Variants in LLGL2 observed in about 807,000 individuals in gnomAD.
LLGL2 encodes the protein LLGL scribble cell polarity complex component 2, also known as LLGL2, scribble cell polarity complex component.
LLGL2 carries 81 observed loss-of-function variants against 123.2 expected under a neutral mutation model. That is an observed-to-expected ratio of 0.66 (90% CI 0.55 to 0.79). The LOEUF (loss-of-function observed/expected upper bound fraction) is 0.79. Among genes scored for constraint, LLGL2 ranks in the 30% least tolerant of loss-of-function variants. LLGL2 has a pLI of 0.00. For synonymous variants in LLGL2, 577 were observed against 594.1 expected (o/e 0.97, Z 0.42); for missense variants, 1,273 against 1,414.6 (o/e 0.90, Z 1.61).
chr17:75,567,406 G>A (rs1013192619), intron 10 of LLGL2, among the ~76,000 whole-genome samples: 12 of 152,116 alleles, frequency 7.9e-5, no homozygotes, highest in African/African-American at 2.2e-4. Context: ...AGAGGTTGCA[G>A]TGAGCCGAGA....
At position 75,559,533 on chromosome 17, in the gene LLGL2, C is replaced by G; in HGVS notation, c.530+123C>G. On this transcript the variant is annotated intron_variant, in intron 6 of 25. Coordinates refer to ENST00000392550, the MANE Select transcript of LLGL2 (RefSeq NM_001031803.2). This position sits in a 1 kb window ranked among gnomAD's most constrained non-coding sequence, Gnocchi z 4.6. The stretch of plus-strand genomic sequence containing the variant: ...TGCTGGGAATTCCATGGGGCTATAG[C>G]AGGGGAGGCTCTTGGCTTCCTACCT... 1.6e-6 allele frequency: 2 copies of G among 1,264,410 alleles called. No individual in the cohort carries two copies. Among genetic ancestry groups the G allele is most frequent in the Admixed American group, 5.3e-5 (2 of 37,876 alleles). The allele number at this position is 1,264,410 out of a possible 1,614,324, so 78.3% of individuals were successfully genotyped here. A position where few individuals can be genotyped will look rare whatever the true frequency, so the allele number is the denominator to read the frequency against.
At position 75,563,395 on chromosome 17, in the gene LLGL2, G is replaced by C. The variant is rs770460425; in HGVS notation, c.758G>C (p.Ser253Thr). 6 of 1,612,920 alleles carry C rather than the reference G, an allele frequency of 3.7e-6. No individual in the cohort carries two copies. In the South Asian group the frequency reaches 6.6e-5, roughly 18 times the overall value. The change falls in exon 8 of 26, where the codon AGC (serine) becomes ACC (threonine). Residue 253 changes from serine to threonine, a missense_variant. Coordinates refer to ENST00000392550, the MANE Select transcript of LLGL2 (RefSeq NM_001031803.2). The stretch of plus-strand genomic sequence containing the variant: ...CTCGTCAGCTGTCACTCTGACGGCA[G>C]CTACTGCCAGTGGCCCGTGTCCAGC... The part of the protein sequence containing the change: ...RLLVSCHSDG[S>T]YCQWPVSSEA...
chr17:75,558,480 G>T lies in LLGL2; in HGVS notation c.256-32G>T. On this transcript the variant is annotated intron_variant, in intron 4 of 25. Coordinates refer to ENST00000392550, the MANE Select transcript of LLGL2 (RefSeq NM_001031803.2). This position sits in a 1 kb window ranked among gnomAD's most constrained non-coding sequence, Gnocchi z 4.0. Reference sequence around the variant, plus strand: ...TGTAAAGGCCTTGCCTGGGTAGCAAGACCACATGATCCCGTCGTGTGCCCT... The same window carrying T: ...TGTAAAGGCCTTGCCTGGGTAGCAATACCACATGATCCCGTCGTGTGCCCT... 6.5e-7 allele frequency: 1 copy of T among 1,540,372 alleles called. No homozygotes were observed. Among genetic ancestry groups the T allele is most frequent in the South Asian group, 1.2e-5 (1 of 84,284 alleles).
chr17:75,557,615 G>C (rs532782579), intron 3 of LLGL2, among the ~76,000 whole-genome samples: 22 of 152,292 alleles, frequency 1.4e-4, no homozygotes, highest in African/African-American at 4.3e-4. Context: ...TGCCCGGTGT[G>C]GGGGAGGGGT....
chr17:75,547,984 G>A (rs907074152), intron 2 of LLGL2, among the ~76,000 whole-genome samples: 1 of 152,164 alleles, frequency 6.6e-6, no homozygotes, highest in Non-Finnish European at 1.5e-5. Flanking sequence ...GATATGGATT[G>A]AGCATACATG....
chr17:75,550,512 C>T (rs374705007), intron 2 of LLGL2, among the ~76,000 whole-genome samples: 1 of 152,134 alleles, frequency 6.6e-6, no homozygotes, highest in South Asian at 2.1e-4. Context: ...AGGCCGGGCG[C>T]GGTGGCTTAC....
chr17:75,572,970 A>C, intron 19 of LLGL2, 44 bp from the exon 20 acceptor site: 2 of 1,562,532 alleles, frequency 1.3e-6, no homozygotes, highest in Non-Finnish European at 1.7e-6. Context: ...AGGGCAGGAG[A>C]ACTGGTTTGG....
rs200886953 is a variant in LLGL2, at chr17:75,573,695, C to G, written c.2876+64C>G. 9 of 1,404,242 alleles carry G rather than the reference C, an allele frequency of 6.4e-6. No homozygotes were observed. In the South Asian group the frequency reaches 1.1e-4, roughly 17 times the overall value. 87.0% of individuals were successfully genotyped at this position (1,404,242 alleles called of 1,614,324 possible). A position where few individuals can be genotyped will look rare whatever the true frequency, so the allele number is the denominator to read the frequency against. On this transcript the variant is annotated intron_variant, in intron 21 of 25. Coordinates refer to ENST00000392550, the MANE Select transcript of LLGL2 (RefSeq NM_001031803.2). ...CCCCTCCCTGCCCTCTCTGAGATACCGAGGCTCCCACTGCTGCCTGGCTGG... is the reference window on the plus strand; with the variant it reads ...CCCCTCCCTGCCCTCTCTGAGATACGGAGGCTCCCACTGCTGCCTGGCTGG...
At chr17:75,536,737 A>G (rs957376940) in intron 1 of LLGL2, among the ~76,000 whole-genome samples, 1 of 152,202 alleles carries the variant, frequency 6.6e-6, no homozygotes, top group African/African-American at 2.4e-5. Flanking sequence ...ACATTGTCAA[A>G]TATAGGGATT....
At position 75,574,208 on chromosome 17, in the gene LLGL2, T is replaced by A; in HGVS notation, c.2906-5T>A. On this transcript the variant is annotated splice_region_variant and splice_polypyrimidine_tract_variant and intron_variant, in intron 22 of 25. Coordinates refer to ENST00000392550, the MANE Select transcript of LLGL2 (RefSeq NM_001031803.2). ...GGGCGCCCTGACCCGGCCTCTACCT[T>A]CCAGAGAAGCAGCCCGGCCTGGTGA... is the stretch of plus-strand genomic sequence containing the variant. 6.9e-7 allele frequency: 1 copy of A among 1,449,952 alleles called. No individual in the cohort carries two copies. The highest frequency in any genetic ancestry group is 3.0e-5 in the East Asian group (1 of 33,064). 89.8% of individuals were successfully genotyped at this position (1,449,952 alleles called of 1,614,324 possible). A position where few individuals can be genotyped will look rare whatever the true frequency, so the allele number is the denominator to read the frequency against.
chr17:75,533,246 G>A (rs1437415907), intron 1 of LLGL2, among the ~76,000 whole-genome samples: 79 of 148,048 alleles, frequency 5.3e-4, no homozygotes, highest in African/African-American at 1.5e-3. Flanking sequence ...TGATCTGCCC[G>A]CCTCAGCCTC....
intron 6 of LLGL2, among the ~76,000 whole-genome samples, chr17:75,560,732 C>T (rs1172467552): frequency 2.0e-5 from 3 of 149,200 alleles, no homozygotes; most frequent in East Asian, 2.0e-4. Context: ...GTGATTGACC[C>T]GCCTCAGCCT....
intron 6 of LLGL2, chr17:75,562,398 C>G (rs1412746034): frequency 2.6e-5 from 4 of 155,090 alleles, no homozygotes; most frequent in Admixed American, 2.5e-4. Flanking sequence ...GTCTTATGCA[C>G]CCTTCCTAGT....
In LLGL2 at chr17:75,571,821, T is replaced by G. The variant is rs766936409; in HGVS notation, c.2293+38T>G. 82 of 1,603,820 alleles carry G rather than the reference T, an allele frequency of 5.1e-5. No individual in the cohort carries two copies. The South Asian group carries it at 8.4e-4, about 16-fold the overall frequency. The stretch of plus-strand genomic sequence containing the variant: ...CAGGGAGAGCAGAGGGTGCTCGGGC[T>G]GCCTGGGCTGGGTCCAGGGAGTGGC... On this transcript the variant is annotated intron_variant, in intron 18 of 25. Transcript: ENST00000392550.
intron 6 of LLGL2, among the ~76,000 whole-genome samples, chr17:75,560,956 C>T (rs4788900): frequency 0.3 from 44,832 of 151,936 alleles, 6,919 homozygotes; most frequent in African/African-American, 0.38. Context: ...CTCAGCCTTC[C>T]GAGTAGCTGG....
chr17:75,574,003 A>G, intron 22 of LLGL2, 23 bp downstream of exon 22: 1 of 1,550,632 alleles, frequency 6.4e-7, no homozygotes, highest in Non-Finnish European at 8.7e-7. Context: ...TCCTGGGCTC[A>G]TGCACACCTG....
chr17:75,554,873 C>A (rs1372652117), intron 2 of LLGL2, among the ~76,000 whole-genome samples: 125 of 108,802 alleles, frequency 1.1e-3, no homozygotes, highest in Middle Eastern at 7.7e-3. Context: ...TGGGCGACAG[C>A]GCAAGACTCC....
At position 75,571,898 on chromosome 17, in the gene LLGL2, C is replaced by T; in HGVS notation, c.2294C>T (p.Ala765Val). 1.2e-6 allele frequency: 2 copies of T among 1,611,942 alleles called. No homozygotes were observed. The highest frequency in any genetic ancestry group is 8.5e-7 in the Non-Finnish European group (1 of 1,179,956). The change falls in exon 19 of 26, where the codon GCC becomes GTC. Residue 765 changes from alanine to valine, a missense_variant and splice_region_variant. Physicochemically the swap from Ala to Val is moderately conservative, Grantham distance 64. Coordinates refer to ENST00000392550, the MANE Select transcript of LLGL2 (RefSeq NM_001031803.2). ...RMDEPVRAEQ[A>V]KEIQLMHRAP... ...CCCAACACCCACCTCCTCCCCCTAG[C>T]CAAGGAGATCCAGCTGATGCACCGG...
intron 15 of LLGL2, 35 bp downstream of exon 15, chr17:75,570,290 TG>T: frequency 1.3e-6 from 2 of 1,597,818 alleles, no homozygotes; most frequent in Admixed American, 1.7e-5. Context: ...GGGCTGGGAG[TG>T]GGGCCCGCGA....
Sources: gnomAD v4.1 joint callset for allele counts (sites outside exome capture counted in the v4.1 genomes callset) on GRCh38, gnomAD v4.1.1 for gene constraint, Gnocchi (gnomAD v3.1) non-coding constraint, MANE v1.5 for transcripts, NCBI Gene and HGNC (gene_info 2026-07-23, HGNC 2026-07-21) for gene names.